The following ENTHD1 variants were observed in gnomAD, a reference collection of about 807,000 sequenced individuals.
The protein encoded by ENTHD1 is ENTH domain-containing protein 1.
A neutral mutation model predicts 39.1 loss-of-function variants in ENTHD1; 23 were observed. That is an observed-to-expected ratio of 0.59 (90% CI 0.42 to 0.83). The LOEUF (loss-of-function observed/expected upper bound fraction) is 0.83. Ranked by LOEUF, ENTHD1 falls within the 40% of genes least tolerant of loss-of-function variation. The pLI, the probability that ENTHD1 is intolerant of heterozygous loss-of-function variation, is 0.00. For missense variants in ENTHD1, 624 were observed against 705.4 expected, an observed-to-expected ratio of 0.88 and a Z score of 1.31; for synonymous variants, 230 against 258.2, an observed-to-expected ratio of 0.89 and a Z score of 1.05.
chr22:39,815,082 C>T (rs538915364), intron 5 of ENTHD1, among the ~76,000 whole-genome samples: 2 of 152,254 alleles, frequency 1.3e-5, no homozygotes, highest in South Asian at 2.1e-4. Context: ...GACATGGACA[C>T]GTCAGATGAG....
chr22:39,770,654 A>G (rs1387300866), intron 5 of ENTHD1, among the ~76,000 whole-genome samples: 1 of 152,206 alleles, frequency 6.6e-6, no homozygotes, highest in Non-Finnish European at 1.5e-5. Context: ...TACCAGTTTG[A>G]TTTCACAGTG....
At position 39,780,870 on chromosome 22, in the gene ENTHD1, G is replaced by A. The variant is rs60326251; in HGVS notation, c.833-15261C>T. ...AAAAATTAGCCAGGCATGGTGGTGGGCACCCGTAGTCCCAGCTACTCAGGA... is the reference window on the plus strand; with the variant it reads ...AAAAATTAGCCAGGCATGGTGGTGGACACCCGTAGTCCCAGCTACTCAGGA... On this transcript the variant is annotated intron_variant, in intron 5 of 6. Transcript: ENST00000325157. 7.4e-3 allele frequency among the ~76,000 whole-genome samples: 1,129 copies of A among 152,130 alleles called. 16 individuals carry two copies. Among genetic ancestry groups the A allele is most frequent in the African/African-American group, 0.026 (1,082 of 41,494 alleles).
intron 4 of ENTHD1, among the ~76,000 whole-genome samples, chr22:39,830,477 A>G (rs1440873038): frequency 6.6e-6 from 1 of 152,148 alleles, no homozygotes; most frequent in Non-Finnish European, 1.5e-5. Flanking sequence ...AAACAATTGA[A>G]TCCGATACCT....
At chr22:39,773,029 A>C (rs1381653112) in intron 5 of ENTHD1, among the ~76,000 whole-genome samples, 1 of 150,438 alleles carries the variant, frequency 6.6e-6, no homozygotes, top group South Asian at 2.1e-4. Context: ...TATGCCTGTA[A>C]TCCCAGCATT....
intron 5 of ENTHD1, among the ~76,000 whole-genome samples, chr22:39,767,501 T>C (rs1328100959): frequency 6.6e-6 from 1 of 152,082 alleles, no homozygotes; most frequent in African/African-American, 2.4e-5. Flanking sequence ...CAAACGAATA[T>C]ATTCCTAGTT....
intron 3 of ENTHD1, among the ~76,000 whole-genome samples, chr22:39,858,179 C>A (rs1042720579): frequency 6.6e-6 from 1 of 152,206 alleles, no homozygotes; most frequent in Non-Finnish European, 1.5e-5. Context: ...ATTCTGAATT[C>A]TTTGTTGGCA....
intron 3 of ENTHD1, among the ~76,000 whole-genome samples, chr22:39,844,729 T>C (rs2065973291): frequency 6.6e-6 from 1 of 152,092 alleles, no homozygotes; most frequent in Non-Finnish European, 1.5e-5. Context: ...ATCTTAGAGT[T>C]CTCATCAATA....
At chr22:39,810,236 C>T (rs753939033) in intron 5 of ENTHD1, among the ~76,000 whole-genome samples, 13 of 152,098 alleles carry the variant, frequency 8.5e-5, no homozygotes, top group Non-Finnish European at 1.2e-4. Flanking sequence ...AGTACTTATC[C>T]GATATTGGCT....
chr22:39,821,181 G>A lies in ENTHD1; in HGVS notation c.712-68C>T, dbSNP rs2065780633. The A allele has an allele frequency of 5.2e-6, 8 of 1,548,604 alleles. No homozygotes were observed. In the South Asian group the frequency reaches 9.3e-5, roughly 18 times the overall value. On this transcript the variant is annotated intron_variant, in intron 4 of 6. Coordinates refer to ENST00000325157, the MANE Select transcript of ENTHD1 (RefSeq NM_152512.4). Reference sequence around the variant, plus strand: ...AATATCCCTGGATGGACAATTTATTGAGCTACAAAGTATCTAAATGTGCTA... The same window carrying A: ...AATATCCCTGGATGGACAATTTATTAAGCTACAAAGTATCTAAATGTGCTA...
At chr22:39,876,490 A>C (rs1448667978) in intron 2 of ENTHD1, among the ~76,000 whole-genome samples, 3 of 148,152 alleles carry the variant, frequency 2.0e-5, no homozygotes, top group Non-Finnish European at 4.5e-5. Flanking sequence ...CATTGTTGGG[A>C]TGAAGTAAAA....
At chr22:39,847,401 A>G (rs976605833) in intron 3 of ENTHD1, among the ~76,000 whole-genome samples, 2 of 149,984 alleles carry the variant, frequency 1.3e-5, no homozygotes, top group Non-Finnish European at 1.5e-5. Flanking sequence ...GGATAGCATT[A>G]GGAGATACAC....
chr22:39,754,763 C>T (rs1277179024), intron 6 of ENTHD1, among the ~76,000 whole-genome samples: 1 of 152,118 alleles, frequency 6.6e-6, no homozygotes, highest in Non-Finnish European at 1.5e-5. Flanking sequence ...TGTCTAACAC[C>T]TCTCACCTGG....
At chr22:39,842,281 C>T (rs907051272) in intron 3 of ENTHD1, among the ~76,000 whole-genome samples, 7 of 152,124 alleles carry the variant, frequency 4.6e-5, no homozygotes, top group Non-Finnish European at 1.0e-4. Context: ...TGAACGTCGG[C>T]CTGCCTTGCT....
intron 2 of ENTHD1, among the ~76,000 whole-genome samples, chr22:39,871,574 C>T (rs2066244402): frequency 1.3e-5 from 2 of 152,342 alleles, no homozygotes; most frequent in East Asian, 3.9e-4. Flanking sequence ...GAGAATAGTT[C>T]TGTTGACACA....
At chr22:39,824,828 C>T (rs915785109) in intron 4 of ENTHD1, among the ~76,000 whole-genome samples, 6 of 152,300 alleles carry the variant, frequency 3.9e-5, no homozygotes, top group Non-Finnish European at 8.8e-5. Flanking sequence ...TATACACAGG[C>T]ATTAATATCA....
In ENTHD1 at chr22:39,744,423, C is replaced by T. The variant is rs574689277; in HGVS notation, c.1220-140G>A. ...CTTAGAATTTTAAATGTTAACTATT[C>T]ATAATAAGCTTAAAAAAACCCAAAG... is the stretch of plus-strand genomic sequence containing the variant. On this transcript the variant is annotated intron_variant, in intron 6 of 6. Transcript: ENST00000325157. 9.7e-5 allele frequency: 72 copies of T among 739,490 alleles called. No homozygotes were observed. In the African/African-American group the frequency reaches 1.3e-3, roughly 13 times the overall value. The allele number at this position is 739,490 out of a possible 1,614,324, so 45.8% of individuals were successfully genotyped here.
At chr22:39,756,416 C>T (rs904057316) in intron 6 of ENTHD1, among the ~76,000 whole-genome samples, 10 of 151,768 alleles carry the variant, frequency 6.6e-5, no homozygotes, top group African/African-American at 2.4e-4. Context: ...CTCACTGCAA[C>T]CTCCGCCTCC....
At chr22:39,864,442 C>A (rs1444783456) in intron 2 of ENTHD1, among the ~76,000 whole-genome samples, 1 of 152,188 alleles carries the variant, frequency 6.6e-6, no homozygotes, top group Non-Finnish European at 1.5e-5. Context: ...ACCCTCATCA[C>A]TCTCTATTCC....
At chr22:39,886,098 C>G (rs2066377147) in intron 2 of ENTHD1, among the ~76,000 whole-genome samples, 2 of 151,730 alleles carry the variant, frequency 1.3e-5, no homozygotes, top group African/African-American at 4.8e-5. Context: ...AATAAACTCT[C>G]AAGCTATGAA....
Sources: gnomAD v4.1 joint callset for allele counts (sites outside exome capture counted in the v4.1 genomes callset) on GRCh38, gnomAD v4.1.1 for gene constraint, MANE v1.5 for transcripts, NCBI Gene and HGNC (gene_info 2026-07-23, HGNC 2026-07-21) for gene names.